The following NBEA variants were observed in gnomAD, a reference collection of about 807,000 sequenced individuals.
The protein encoded by NBEA is neurobeachin, also known as lysosomal-trafficking regulator 2.
In NBEA, 44 loss-of-function variants were observed where a neutral mutation model predicts 343.4. The observed-to-expected ratio is 0.13, with a 90% CI of 0.10 to 0.16. The LOEUF (loss-of-function observed/expected upper bound fraction) is 0.16, where lower values mean the gene tolerates loss of function less well. NBEA is among the 10% of genes least tolerant of loss of function. The pLI is 1.00. For synonymous variants in NBEA, 1,175 were observed against 1,238.7 expected, an observed-to-expected ratio of 0.95 and a Z score of 1.08; for missense variants, 2,555 against 3,631.3, an observed-to-expected ratio of 0.70 and a Z score of 7.62.
chr13:35,563,239 C>T (rs1214262680), intron 44 of NBEA, among the ~76,000 whole-genome samples: 1 of 151,612 alleles, frequency 6.6e-6, no homozygotes, highest in Non-Finnish European at 1.5e-5. Context: ...AGGACCCTAC[C>T]AATTATAGCA....
chr13:35,610,495 CA>C (rs35477262), intron 48 of NBEA, among the ~76,000 whole-genome samples: 33,930 of 151,220 alleles, frequency 0.22, 3,991 homozygotes, highest in Non-Finnish European at 0.24. Flanking sequence ...TATCTATATC[CA>C]AAAAAAAGGA....
At chr13:35,501,950 T>A (rs1334644222) in intron 41 of NBEA, among the ~76,000 whole-genome samples, 1 of 152,150 alleles carries the variant, frequency 6.6e-6, no homozygotes, top group Non-Finnish European at 1.5e-5. Flanking sequence ...TATACACACG[T>A]GAACATCCTT....
At chr13:34,948,000 A>G (rs2059238734) in intron 1 of NBEA, among the ~76,000 whole-genome samples, 1 of 152,258 alleles carries the variant, frequency 6.6e-6, no homozygotes, top group South Asian at 2.1e-4. Context: ...GTAAACTTTT[A>G]TGTATAATCA....
intron 34 of NBEA, among the ~76,000 whole-genome samples, chr13:35,253,845 GA>G (rs77048875): frequency 6.8e-5 from 10 of 147,106 alleles, no homozygotes; most frequent in East Asian, 3.9e-4. Flanking sequence ...GAAGTATTAA[GA>G]AAAAAAAAAG....
intron 18 of NBEA, among the ~76,000 whole-genome samples, chr13:35,147,447 A>G (rs2068505983): frequency 6.6e-6 from 1 of 152,204 alleles, no homozygotes; most frequent in South Asian, 2.1e-4. Context: ...AAGTGGACAT[A>G]ACTTAGAATG....
In NBEA at chr13:35,605,361, A is replaced by C. The variant is rs1054329598; in HGVS notation, c.7297-1065A>C. On this transcript the variant is annotated intron_variant, in intron 47 of 58. Transcript: ENST00000379939. ...TTTAGTGGGAGAACTCGTGAAGAGA[A>C]AGATTTTATATATGCTTTTTCTAGA... Among the ~76,000 whole-genome samples the C allele has an allele frequency of 2.6e-5, 4 of 152,316 alleles. No homozygotes were observed. In the South Asian group the frequency reaches 8.3e-4, roughly 32 times the overall value.
rs755946670 is a variant in NBEA, at chr13:35,475,542, C to G, written c.6585+3006C>G. On this transcript the variant is annotated intron_variant, in intron 41 of 58. Transcript: ENST00000379939. Reference sequence around the variant, plus strand: ...AACCTTCCGCCTTGACCTCCGCCACCCGGTTGGGTCCCGGCCAGGGGATGT... The same window carrying G: ...AACCTTCCGCCTTGACCTCCGCCACGCGGTTGGGTCCCGGCCAGGGGATGT... 72 of 1,613,136 alleles carry G rather than the reference C, an allele frequency of 4.5e-5. 1 individual carries two copies. The Admixed American group carries it at 1.2e-3, about 26-fold the overall frequency.
At chr13:35,221,262 T>G (rs1213584802) in intron 33 of NBEA, among the ~76,000 whole-genome samples, 3 of 151,822 alleles carry the variant, frequency 2.0e-5, no homozygotes, top group Non-Finnish European at 4.4e-5. Context: ...AAGAATTGTT[T>G]GAACCCAGGA....
chr13:34,975,212 C>T (rs1319145985), intron 1 of NBEA, among the ~76,000 whole-genome samples: 1 of 152,108 alleles, frequency 6.6e-6, no homozygotes, highest in Non-Finnish European at 1.5e-5. Flanking sequence ...CAACTTCAAA[C>T]TATATTATAA....
intron 16 of NBEA, 143 bp from the exon 17 acceptor site, chr13:35,123,339 A>T (rs1200664518): frequency 4.4e-6 from 2 of 454,060 alleles, no homozygotes; most frequent in Non-Finnish European, 7.5e-6. Flanking sequence ...CTAGTTTTTA[A>T]TTTTTCCAAA....
At chr13:35,274,356 A>C (rs371289879) in intron 34 of NBEA, among the ~76,000 whole-genome samples, 1 of 152,226 alleles carries the variant, frequency 6.6e-6, no homozygotes, top group Admixed American at 6.5e-5. Flanking sequence ...TATTGATGGA[A>C]TGTATCTCAA....
rs76364427 is a variant in NBEA, at chr13:35,543,086, C to T, written c.6586-7391C>T. On this transcript the variant is annotated intron_variant, in intron 41 of 58. Transcript: ENST00000379939. ...ATTCTAAGTATTTAAATTTTTTATT[C>T]TGAAATAAATTGTTACAAATATTAT... Among the ~76,000 whole-genome samples the T allele has an allele frequency of 3.0e-3, 452 of 151,972 alleles. 1 individual carries two copies. The highest frequency in any genetic ancestry group is 0.013 in the South Asian group (61 of 4,818).
intron 48 of NBEA, among the ~76,000 whole-genome samples, chr13:35,614,302 T>A (rs373197547): frequency 2.0e-5 from 3 of 152,350 alleles, no homozygotes; most frequent in Admixed American, 1.3e-4. Flanking sequence ...GATACTTCAT[T>A]TTTTACTTAA....
Position 35,511,621 on chromosome 13 carries a change from A to T in NBEA, c.6586-38856A>T, listed in dbSNP as rs368559504. On this transcript the variant is annotated intron_variant, in intron 41 of 58. Coordinates refer to ENST00000379939, the MANE Select transcript of NBEA (RefSeq NM_001385012.1). ...TTACTCTAAAGTATTCTATGCAAGTAGATATCTCTCTATATATGCAGTTAG... is the reference window on the plus strand; with the variant it reads ...TTACTCTAAAGTATTCTATGCAAGTTGATATCTCTCTATATATGCAGTTAG... 1.0e-3 allele frequency among the ~76,000 whole-genome samples: 159 copies of T among 152,300 alleles called. 1 individual carries two copies. In the Middle Eastern group the frequency reaches 0.014, roughly 13 times the overall value.
intron 17 of NBEA, among the ~76,000 whole-genome samples, chr13:35,133,758 G>A (rs765009190): frequency 1.3e-4 from 20 of 151,890 alleles, no homozygotes; most frequent in African/African-American, 3.9e-4. Flanking sequence ...TGTAAATTGC[G>A]TATGAATAGA....
At chr13:35,426,879 A>G (rs2044714803) in intron 38 of NBEA, among the ~76,000 whole-genome samples, 1 of 151,876 alleles carries the variant, frequency 6.6e-6, no homozygotes, top group Admixed American at 6.6e-5. Context: ...TTCTCGCTTC[A>G]TTTCATTCAT....
chr13:35,007,460 G>T (rs2061355508), intron 1 of NBEA, among the ~76,000 whole-genome samples: 1 of 151,960 alleles, frequency 6.6e-6, no homozygotes, highest in Admixed American at 6.6e-5. Context: ...CTCTTCTATG[G>T]TTTTTTGTTT....
intron 37 of NBEA, among the ~76,000 whole-genome samples, chr13:35,350,725 TTGATGTGTG>T (rs1192240230): frequency 2.9e-5 from 4 of 137,654 alleles, no homozygotes; most frequent in African/African-American, 1.1e-4. Context: ...GTTAGAGCTA[TTGATGTGTG>T]TGTGTGTGTG....
chr13:34,993,224 C>A (rs1016522329), intron 1 of NBEA, among the ~76,000 whole-genome samples: 3 of 152,134 alleles, frequency 2.0e-5, no homozygotes, highest in Non-Finnish European at 4.4e-5. Context: ...TCTTTTCATC[C>A]TAATGATCTC....
Sources: allele counts gnomAD v4.1 joint callset (sites outside exome capture counted in the v4.1 genomes callset), GRCh38; gene constraint gnomAD v4.1.1; transcripts MANE v1.5; gene names NCBI Gene and HGNC (gene_info 2026-07-23, HGNC 2026-07-21).